Variants in FNDC3B observed in about 807,000 individuals in gnomAD.
FNDC3B encodes the protein fibronectin type III domain containing 3B, also known as fibronectin type III domain-containing protein 3B.
FNDC3B carries 12 observed loss-of-function variants against 151.5 expected under a neutral mutation model. The observed-to-expected ratio is 0.08, with a 90% CI of 0.05 to 0.13. The LOEUF (loss-of-function observed/expected upper bound fraction) is 0.13, where lower values mean the gene tolerates loss of function less well. Among genes scored for constraint, FNDC3B ranks in the 10% least tolerant of loss-of-function variants. The pLI is 1.00. For synonymous variants in FNDC3B, 528 were observed against 549.0 expected (o/e 0.96, Z 0.54); for missense variants, 1,214 against 1,505.3 (o/e 0.81, Z 3.20).
In FNDC3B at chr3:172,269,601, T is replaced by G. The variant is rs942503206; in HGVS notation, c.791-16325T>G. Among the ~76,000 whole-genome samples the G allele has an allele frequency of 5.9e-5, 9 of 152,136 alleles. No individual in the cohort carries two copies. In the East Asian group the frequency reaches 1.3e-3, roughly 23 times the overall value. ...GGATTCTTCAGATTGTAGAGCCAAC[T>G]GTACTACAAATCTGTGTGGTTTTTT... On this transcript the variant is annotated intron_variant, in intron 6 of 25. Coordinates refer to ENST00000415807, the MANE Select transcript of FNDC3B (RefSeq NM_022763.4).
intron 12 of FNDC3B, chr3:172,330,337 T>G: frequency 2.1e-6 from 1 of 480,646 alleles, no homozygotes; most frequent in South Asian, 3.5e-5. Flanking sequence ...ACTTGGTGTG[T>G]GTGTCTAGTA....
At chr3:172,134,577 AAC>A (rs1287197005) in intron 3 of FNDC3B, among the ~76,000 whole-genome samples, 1 of 152,170 alleles carries the variant, frequency 6.6e-6, no homozygotes, top group Non-Finnish European at 1.5e-5. Flanking sequence ...GCTGTATAGA[AAC>A]AGTTTTTTTT....
chr3:172,366,173 A>G, intron 23 of FNDC3B, among the ~76,000 whole-genome samples: 1 of 152,226 alleles, frequency 6.6e-6, no homozygotes, highest in Non-Finnish European at 1.5e-5. Flanking sequence ...TGCAACTATG[A>G]TGCACTGATT....
chr3:172,191,651 C>T (rs1013336143), intron 3 of FNDC3B, among the ~76,000 whole-genome samples: 4 of 152,136 alleles, frequency 2.6e-5, no homozygotes, highest in African/African-American at 7.2e-5. Context: ...TGCATGCCAC[C>T]ATGCCTGGCT....
chr3:172,063,551 C>T (rs1056321244), intron 1 of FNDC3B, among the ~76,000 whole-genome samples: 1 of 152,190 alleles, frequency 6.6e-6, no homozygotes, highest in Non-Finnish European at 1.5e-5. Flanking sequence ...TACCAGGATT[C>T]TGAATTGTCT....
At chr3:172,142,300 G>A (rs149237569) in intron 3 of FNDC3B, among the ~76,000 whole-genome samples, 30 of 152,316 alleles carry the variant, frequency 2.0e-4, no homozygotes, top group Admixed American at 5.2e-4. Flanking sequence ...TTTTTTAGAT[G>A]TCTTCACGTT....
At chr3:172,045,790 C>CTATA (rs1273873661) in intron 1 of FNDC3B, among the ~76,000 whole-genome samples, 11 of 138,060 alleles carry the variant, frequency 8.0e-5, no homozygotes, top group South Asian at 6.7e-4. Flanking sequence ...CTCTCTCTCT[C>CTATA]TCTCTATATA....
intron 3 of FNDC3B, among the ~76,000 whole-genome samples, chr3:172,206,464 G>T (rs1410845698): frequency 6.6e-6 from 1 of 152,082 alleles, no homozygotes; most frequent in African/African-American, 2.4e-5. Context: ...TTTGAGACCA[G>T]CTTGGCCCAC....
intron 3 of FNDC3B, among the ~76,000 whole-genome samples, chr3:172,205,357 G>A (rs1015429193): frequency 1.6e-4 from 24 of 152,216 alleles, no homozygotes; most frequent in African/African-American, 5.5e-4. Context: ...AATGATCTCA[G>A]CTAGCCCAGC....
chr3:172,277,431 G>A (rs1243706376), intron 6 of FNDC3B, among the ~76,000 whole-genome samples: 2 of 152,026 alleles, frequency 1.3e-5, no homozygotes, highest in South Asian at 2.1e-4. Context: ...AGAAGAAAGC[G>A]AGCTCTCTCA....
At position 172,401,411 on chromosome 3, in the gene FNDC3B, T is replaced by A. The variant is rs1736571510; in HGVS notation, c.*3936T>A. 1 of 152,222 alleles carries A rather than the reference T, an allele frequency of 6.6e-6. No homozygotes were observed. Among genetic ancestry groups the A allele is most frequent in the African/African-American group, 2.4e-5 (1 of 41,446 alleles). 9.4% of individuals were successfully genotyped at this position (152,222 alleles called of 1,614,324 possible). On this transcript the variant is annotated 3_prime_UTR_variant, in exon 26 of 26. Transcript: ENST00000415807. The stretch of plus-strand genomic sequence containing the variant: ...AAGCTAAATATCCAGATTTCCTCCA[T>A]GGGCCAACTAAAAGGTGATTGTGGA...
At chr3:172,110,457 T>C (rs541391615) in intron 1 of FNDC3B, among the ~76,000 whole-genome samples, 1 of 152,084 alleles carries the variant, frequency 6.6e-6, no homozygotes, top group Admixed American at 6.5e-5. Context: ...TCTAAACCTG[T>C]ATCATTATTT....
At chr3:172,301,573 A>G (rs1470417324) in intron 9 of FNDC3B, 1 of 152,252 alleles carries the variant, frequency 6.6e-6, no homozygotes, top group Admixed American at 6.5e-5. Flanking sequence ...GCTGCAAAAT[A>G]AACAATTACG....
chr3:172,249,106 A>AT (rs142246558), intron 5 of FNDC3B, among the ~76,000 whole-genome samples: 20,802 of 151,850 alleles, frequency 0.14, 1,594 homozygotes, highest in African/African-American at 0.21. Context: ...GTTAGCTGTA[A>AT]TTTTTTTAAT....
intron 3 of FNDC3B, among the ~76,000 whole-genome samples, chr3:172,181,396 A>AG (rs1491431818): frequency 1.8e-4 from 3 of 16,892 alleles, no homozygotes; most frequent in Non-Finnish European, 4.0e-4. Context: ...CTCTGTCTCC[A>AG]AAAAAAAAAA....
At chr3:172,346,526 C>A in intron 20 of FNDC3B, 86 bp downstream of exon 20, 5 of 707,568 alleles carry the variant, frequency 7.1e-6, no homozygotes, top group Non-Finnish European at 1.2e-5. Context: ...GCTGCAAATC[C>A]AAAATGCACA....
chr3:172,082,265 A>G (rs932719623), intron 1 of FNDC3B, among the ~76,000 whole-genome samples: 2 of 152,216 alleles, frequency 1.3e-5, no homozygotes, highest in Non-Finnish European at 2.9e-5. Context: ...CCTGTCCCCA[A>G]ATAATGTGAA....
intron 5 of FNDC3B, among the ~76,000 whole-genome samples, chr3:172,248,433 GT>G: frequency 6.6e-6 from 1 of 152,216 alleles, no homozygotes; most frequent in Non-Finnish European, 1.5e-5. Flanking sequence ...TCTTTTTAAA[GT>G]TTTGACCCTG....
intron 3 of FNDC3B, among the ~76,000 whole-genome samples, chr3:172,157,587 C>T (rs1722557723): frequency 6.6e-6 from 1 of 152,166 alleles, no homozygotes; most frequent in Admixed American, 6.5e-5. Context: ...CTAGTAACCA[C>T]CCATCTGTTC....
Sources: gnomAD v4.1 joint callset for allele counts (sites outside exome capture counted in the v4.1 genomes callset) on GRCh38, gnomAD v4.1.1 for gene constraint, MANE v1.5 for transcripts, NCBI Gene and HGNC (gene_info 2026-07-23, HGNC 2026-07-21) for gene names.